The following GRM8 variants were observed in gnomAD, a reference collection of about 807,000 sequenced individuals.
The protein encoded by GRM8 is glutamate metabotropic receptor 8.
Under a neutral mutation model 87.2 loss-of-function variants are expected in GRM8, and 47 were observed. The ratio of observed to expected loss-of-function variants is 0.54; its 90% CI spans 0.43 to 0.69. GRM8 has a LOEUF of 0.69. Among genes scored for constraint, GRM8 ranks in the 30% least tolerant of loss-of-function variants. The probability of loss-of-function intolerance (pLI) is 0.00; values close to 1 mark genes in which losing one functional copy is unlikely to be tolerated. For synonymous variants in GRM8, 396 were observed against 404.5 expected (o/e 0.98, Z 0.25); for missense variants, 1,019 against 1,139.2 (o/e 0.89, Z 1.52).
intron 9 of GRM8, among the ~76,000 whole-genome samples, chr7:126,461,867 C>T (rs1483239228): frequency 1.3e-5 from 2 of 151,632 alleles, no homozygotes; most frequent in Admixed American, 6.6e-5. Flanking sequence ...GTTTACATTG[C>T]ATTGCATTTT....
chr7:126,599,655 C>G (rs1797546178), intron 8 of GRM8, among the ~76,000 whole-genome samples: 1 of 152,116 alleles, frequency 6.6e-6, no homozygotes, highest in African/African-American at 2.4e-5. Flanking sequence ...AAACCAGATA[C>G]ACCAACACAG....
intron 8 of GRM8, among the ~76,000 whole-genome samples, chr7:126,588,454 A>T (rs1385561764): frequency 6.6e-6 from 1 of 152,246 alleles, no homozygotes; most frequent in Non-Finnish European, 1.5e-5. Context: ...ATTACTGGAC[A>T]TATGCCCAAA....
At chr7:127,004,307 A>G (rs928948781) in intron 3 of GRM8, among the ~76,000 whole-genome samples, 1 of 151,720 alleles carries the variant, frequency 6.6e-6, no homozygotes, top group African/African-American at 2.4e-5. Flanking sequence ...TGGCAAAAGA[A>G]TATCATTAAT....
At chr7:126,881,030 C>G (rs1799974577) in intron 6 of GRM8, among the ~76,000 whole-genome samples, 1 of 152,158 alleles carries the variant, frequency 6.6e-6, no homozygotes, top group Non-Finnish European at 1.5e-5. Context: ...TTTTGGCATG[C>G]TAGTGCTAGT....
intron 3 of GRM8, among the ~76,000 whole-genome samples, chr7:126,915,859 G>A (rs1803844104): frequency 6.6e-6 from 1 of 152,316 alleles, no homozygotes; most frequent in African/African-American, 2.4e-5. Flanking sequence ...AGTGCAGGAT[G>A]AGGAACAATT....
rs1346240920 is a variant in GRM8, at chr7:126,471,677, C to G, written c.2431-25305G>C. On this transcript the variant is annotated intron_variant, in intron 9 of 10. Transcript: ENST00000339582. The stretch of plus-strand genomic sequence containing the variant: ...TAGGATTGACTTGGCGATGCGGGCT[C>G]TTTTTTGGTTCCATATGAACTTTAA... Among the ~76,000 whole-genome samples, 12 of 151,828 alleles carry G rather than the reference C, an allele frequency of 7.9e-5. No homozygotes were observed. The East Asian group carries it at 2.3e-3, about 30-fold the overall frequency.
At chr7:127,013,645 C>T (rs12673312) in intron 3 of GRM8, among the ~76,000 whole-genome samples, 56,466 of 151,912 alleles carry the variant, frequency 0.37, 10,824 homozygotes, top group Non-Finnish European at 0.42. Context: ...GCTAACAGAT[C>T]AGTAACCTGC....
chr7:126,819,275 T>TACACAC (rs3038867), intron 6 of GRM8, among the ~76,000 whole-genome samples: 7,524 of 148,290 alleles, frequency 0.051, 581 homozygotes, highest in East Asian at 0.18. Context: ...CAGACACACA[T>TACACAC]ACACACACAC....
chr7:126,703,989 C>A (rs1460247113), intron 7 of GRM8, among the ~76,000 whole-genome samples: 2 of 152,152 alleles, frequency 1.3e-5, no homozygotes, highest in African/African-American at 4.8e-5. Context: ...CCAGGAAGAA[C>A]TGGACGACTT....
intron 6 of GRM8, among the ~76,000 whole-genome samples, chr7:126,893,076 G>C (rs1801213478): frequency 1.3e-5 from 2 of 152,044 alleles, no homozygotes; most frequent in South Asian, 4.1e-4. Flanking sequence ...TGTACTCCAA[G>C]TTGTCTTTTC....
At chr7:127,117,402 A>T (rs1185909917) in intron 2 of GRM8, among the ~76,000 whole-genome samples, 1 of 152,208 alleles carries the variant, frequency 6.6e-6, no homozygotes, top group Non-Finnish European at 1.5e-5. Context: ...TCCCAGGGAG[A>T]CATGGAGAAC....
intron 3 of GRM8, among the ~76,000 whole-genome samples, chr7:126,910,606 G>T (rs552930897): frequency 6.6e-6 from 1 of 152,190 alleles, no homozygotes; most frequent in Non-Finnish European, 1.5e-5. Context: ...AGTTGTCACT[G>T]AAATGGGATC....
At chr7:126,909,474 T>G (rs188550113) in intron 3 of GRM8, among the ~76,000 whole-genome samples, 2,055 of 152,298 alleles carry the variant, frequency 0.013, 43 homozygotes, top group African/African-American at 0.046. Flanking sequence ...TCTGAAAGAT[T>G]ACTAATTGTG....
intron 3 of GRM8, among the ~76,000 whole-genome samples, chr7:126,911,471 G>A (rs35742441): frequency 0.15 from 23,219 of 151,994 alleles, 2,029 homozygotes; most frequent in Non-Finnish European, 0.21. Flanking sequence ...AAATATTAAC[G>A]GGTGCCAATT....
intron 3 of GRM8, among the ~76,000 whole-genome samples, chr7:126,987,460 T>C (rs553407479): frequency 3.3e-5 from 5 of 152,182 alleles, no homozygotes; most frequent in African/African-American, 1.2e-4. Flanking sequence ...TTTTTTTGTT[T>C]TTTGTTTGTT....
At chr7:127,059,926 T>G (rs1016797544) in intron 3 of GRM8, among the ~76,000 whole-genome samples, 8 of 152,236 alleles carry the variant, frequency 5.3e-5, no homozygotes, top group Admixed American at 1.3e-4. Flanking sequence ...GGAATATCCC[T>G]GCTGCTGATT....
intron 7 of GRM8, among the ~76,000 whole-genome samples, chr7:126,621,313 C>T (rs73722659): frequency 0.016 from 2,373 of 152,334 alleles, 48 homozygotes; most frequent in African/African-American, 0.042. Flanking sequence ...CCTCCAACCA[C>T]ATTTCTGTTA....
At chr7:126,934,045 T>C (rs2131467801) in intron 3 of GRM8, among the ~76,000 whole-genome samples, 1 of 152,284 alleles carries the variant, frequency 6.6e-6, no homozygotes, top group African/African-American at 2.4e-5. Context: ...CACACAACTC[T>C]TCATGATGTT....
intron 3 of GRM8, among the ~76,000 whole-genome samples, chr7:126,971,388 T>G (rs1049051855): frequency 1.3e-5 from 2 of 152,184 alleles, no homozygotes; most frequent in African/African-American, 4.8e-5. Context: ...TATCCTTGCA[T>G]TAGGCTTTGC....
Sources: allele counts gnomAD v4.1 joint callset (sites outside exome capture counted in the v4.1 genomes callset), GRCh38; gene constraint gnomAD v4.1.1; transcripts MANE v1.5; gene names NCBI Gene and HGNC (gene_info 2026-07-23, HGNC 2026-07-21).